Variants in PADI1 observed in about 807,000 individuals in gnomAD.
PADI1 encodes peptidyl arginine deiminase 1, also known as protein-arginine deiminase type-1.
A neutral mutation model predicts 74.8 loss-of-function variants in PADI1; 65 were observed. The ratio of observed to expected loss-of-function variants is 0.87; its 90% CI spans 0.71 to 1.07. The LOEUF (loss-of-function observed/expected upper bound fraction) is 1.07. Ranked by LOEUF, PADI1 falls within the 50% of genes least tolerant of loss-of-function variation. The pLI is 0.00. For missense variants in PADI1, 943 were observed against 854.0 expected (o/e 1.10, Z -1.30); for synonymous variants, 371 against 336.2 (o/e 1.10, Z -1.13).
At chr1:17,238,473 A>G in intron 12 of PADI1, 143 bp from the exon 13 acceptor site, 1 of 418,724 alleles carries the variant, frequency 2.4e-6, no homozygotes, top group East Asian at 3.6e-5. Flanking sequence ...AGAGTTGCAG[A>G]CAGTGCTTTG....
At chr1:17,209,031 G>T (rs974708799) in intron 1 of PADI1, among the ~76,000 whole-genome samples, 6 of 152,180 alleles carry the variant, frequency 3.9e-5, no homozygotes, top group African/African-American at 1.4e-4. Context: ...TAGGGAGAAG[G>T]GACTCTGCAG....
chr1:17,228,955 C>G lies in PADI1; in HGVS notation c.833C>G (p.Pro278Arg). The G allele has an allele frequency of 6.3e-7, 1 of 1,598,226 alleles. No individual in the cohort carries two copies. Among genetic ancestry groups the G allele is most frequent in the Non-Finnish European group, 8.5e-7 (1 of 1,171,312 alleles). ...TCCTCATTTTCCCCTCAGACCCTGC[C>G]CGAGGTGACCCTCTTCACAGACACT... ...SVSLVDPGTLPEVTLFTDTVG... is the reference protein window; with the variant it reads ...SVSLVDPGTLREVTLFTDTVG... Residue 278 changes from proline (P) to arginine (R), a missense_variant, in exon 8 of 16, where the codon CCC becomes CGC. By Grantham distance (103) the Pro-to-Arg change is moderately radical. Transcript: ENST00000375471.
intron 8 of PADI1, among the ~76,000 whole-genome samples, chr1:17,229,413 A>G (rs1168453863): frequency 6.6e-6 from 1 of 152,178 alleles, no homozygotes; most frequent in Non-Finnish European, 1.5e-5. Context: ...CATGGGTACG[A>G]TCCCTTGCCT....
Position 17,238,697 on chromosome 1 carries a change from G to A in PADI1, c.1540G>A (p.Ala514Thr). 6.6e-7 allele frequency: 1 copy of A among 1,524,706 alleles called. No homozygotes were observed. The highest frequency in any genetic ancestry group is 8.9e-7 in the Non-Finnish European group (1 of 1,125,546). 94.4% of individuals were successfully genotyped at this position (1,524,706 alleles called of 1,614,324 possible). A position where few individuals can be genotyped will look rare whatever the true frequency, so the allele number is the denominator to read the frequency against. Residue 514 changes from alanine to threonine, a missense_variant, in exon 13 of 16, where the codon GCC (alanine) becomes ACC (threonine). Physicochemically the swap from Ala to Thr is moderately conservative, Grantham distance 58. Coordinates refer to ENST00000375471, the MANE Select transcript of PADI1 (RefSeq NM_013358.3). ...EKKEEGYGEA[A>T]QFDGLKHQAK... ...GAAAGAAGAGGGTTATGGGGAGGCA[G>A]CCCAGTTTGATGGTGAGTGCCAATG...
At chr1:17,226,379 T>G (rs1471040518) in intron 6 of PADI1, among the ~76,000 whole-genome samples, 1 of 152,196 alleles carries the variant, frequency 6.6e-6, no homozygotes, top group East Asian at 1.9e-4. Flanking sequence ...AGGAATTCAC[T>G]ATGGCACAAC....
Position 17,239,757 on chromosome 1 carries a change from C to A in PADI1, c.1606C>A (p.Leu536Ile). The change falls in exon 14 of 16, where the codon CTC becomes ATC. Residue 536 changes from leucine (L) to isoleucine (I), a missense_variant. Coordinates refer to ENST00000375471, the MANE Select transcript of PADI1 (RefSeq NM_013358.3). ...SINEMLADRH[L>I]QRDNLHAQKC... Reference sequence around the variant, plus strand: ...TAATGAGATGCTGGCAGACAGACACCTCCAGAGAGACAATCTTCATGCACA... The same window carrying A: ...TAATGAGATGCTGGCAGACAGACACATCCAGAGAGACAATCTTCATGCACA... 6.2e-7 allele frequency: 1 copy of A among 1,613,900 alleles called. No individual in the cohort carries two copies.
rs762987630 is a variant in PADI1, at chr1:17,244,403, C to T, written c.*160C>T. ...ACCAGGACACAGGGATGGATACCAC[C>T]TACCCTCGCCTCTGGAATGGCCTAC... On this transcript the variant is annotated 3_prime_UTR_variant, in exon 16 of 16. Transcript: ENST00000375471. 8.6e-6 allele frequency: 6 copies of T among 701,330 alleles called. No individual in the cohort carries two copies. The highest frequency in any genetic ancestry group is 2.0e-5 in the Admixed American group (1 of 49,760). 43.4% of individuals were successfully genotyped at this position (701,330 alleles called of 1,614,324 possible).
chr1:17,212,922 C>T (rs955645745), intron 1 of PADI1, among the ~76,000 whole-genome samples: 2 of 152,210 alleles, frequency 1.3e-5, no homozygotes, highest in African/African-American at 4.8e-5. Flanking sequence ...CTTGGTGCCG[C>T]CACCCTCCCT....
At chr1:17,230,827 G>T in intron 10 of PADI1, 148 bp downstream of exon 10, 1 of 601,482 alleles carries the variant, frequency 1.7e-6, no homozygotes. Flanking sequence ...CAGCAAACTG[G>T]GGAGCCAGTG....
At chr1:17,224,918 G>A (rs1380739394) in intron 4 of PADI1, among the ~76,000 whole-genome samples, 1 of 151,970 alleles carries the variant, frequency 6.6e-6, no homozygotes, top group Non-Finnish European at 1.5e-5. Flanking sequence ...CCTGGGAGGG[G>A]TAGAAGGTAC....
intron 1 of PADI1, among the ~76,000 whole-genome samples, chr1:17,214,501 G>A (rs183686285): frequency 6.6e-6 from 1 of 152,154 alleles, no homozygotes; most frequent in East Asian, 1.9e-4. Flanking sequence ...TTTATTTGGA[G>A]GGGTGCTTTC....
At chr1:17,212,034 T>C (rs1185327159) in intron 1 of PADI1, among the ~76,000 whole-genome samples, 1 of 152,202 alleles carries the variant, frequency 6.6e-6, no homozygotes, top group Non-Finnish European at 1.5e-5. Flanking sequence ...GCAGAGCCAC[T>C]GGCAGCACTA....
chr1:17,213,937 G>A (rs1430753583), intron 1 of PADI1, among the ~76,000 whole-genome samples: 1 of 152,200 alleles, frequency 6.6e-6, no homozygotes, highest in Non-Finnish European at 1.5e-5. Context: ...GCCCTGCTGT[G>A]GGCATGAGGT....
Position 17,222,260 on chromosome 1 carries a change from G to T in PADI1, c.93-30G>T, listed in dbSNP as rs369866786. 3.9e-6 allele frequency: 6 copies of T among 1,557,112 alleles called. No individual in the cohort carries two copies. In the Middle Eastern group the frequency reaches 7.1e-4, roughly 185 times the overall value. ...TCCCCTGAAGAGAGATGGGAAGACT[G>T]GTTCTCTTCCCATCTCTCTTCTCTG... is the stretch of plus-strand genomic sequence containing the variant. On this transcript the variant is annotated intron_variant, in intron 1 of 15. Coordinates refer to ENST00000375471, the MANE Select transcript of PADI1 (RefSeq NM_013358.3).
chr1:17,211,109 G>A, intron 1 of PADI1, among the ~76,000 whole-genome samples: 1 of 152,186 alleles, frequency 6.6e-6, no homozygotes, highest in African/African-American at 2.4e-5. Context: ...TTAACGACAG[G>A]GCCCTGTGTC....
intron 1 of PADI1, among the ~76,000 whole-genome samples, chr1:17,213,978 G>A (rs937216890): frequency 3.9e-5 from 6 of 152,242 alleles, no homozygotes; most frequent in African/African-American, 1.4e-4. Flanking sequence ...GTAGGAGGAC[G>A]CTGCTCTGGG....
chr1:17,215,514 A>G (rs998546671), intron 1 of PADI1, among the ~76,000 whole-genome samples: 1 of 152,008 alleles, frequency 6.6e-6, no homozygotes, highest in Non-Finnish European at 1.5e-5. Context: ...CTTCCCTTGA[A>G]AGGGCTGTGT....
intron 11 of PADI1, among the ~76,000 whole-genome samples, chr1:17,236,561 C>G (rs2072646083): frequency 6.6e-6 from 1 of 152,078 alleles, no homozygotes; most frequent in African/African-American, 2.4e-5. Context: ...TTAAGACTAG[C>G]CTGGGTGGCA....
rs202077249 is a variant in PADI1, at chr1:17,223,572, G to A, written c.274-49G>A. On this transcript the variant is annotated intron_variant, in intron 2 of 15. Coordinates refer to ENST00000375471, the MANE Select transcript of PADI1 (RefSeq NM_013358.3). ...TGTGTCCCTCATCACCTCTGCCTCC[G>A]CCATCTCTGAAGGTGATGGCCGTGC... 54 of 1,480,220 alleles carry A rather than the reference G, an allele frequency of 3.6e-5. No individual in the cohort carries two copies. In the Admixed American group the frequency reaches 4.5e-4, roughly 12 times the overall value. 91.7% of individuals were successfully genotyped at this position (1,480,220 alleles called of 1,614,324 possible). A position where few individuals can be genotyped will look rare whatever the true frequency, so the allele number is the denominator to read the frequency against.
Sources: gnomAD v4.1 joint callset for allele counts (sites outside exome capture counted in the v4.1 genomes callset) on GRCh38, gnomAD v4.1.1 for gene constraint, MANE v1.5 for transcripts, NCBI Gene and HGNC (gene_info 2026-07-23, HGNC 2026-07-21) for gene names.